CELF4: variants seen among roughly 807,000 people sequenced by gnomAD.
CELF4 encodes the protein CUGBP Elav-like family member 4.
Under a neutral mutation model 59.9 loss-of-function variants are expected in CELF4, and 18 were observed. The ratio of observed to expected loss-of-function variants is 0.30; its 90% CI spans 0.21 to 0.45. The LOEUF is 0.45. Among genes scored for constraint, CELF4 ranks in the 20% least tolerant of loss-of-function variants. The probability of loss-of-function intolerance (pLI) is 1.00; values close to 1 mark genes in which losing one functional copy is unlikely to be tolerated. For missense variants in CELF4, 456 were observed against 689.0 expected, an observed-to-expected ratio of 0.66 and a Z score of 3.79; for synonymous variants, 261 against 267.1, an observed-to-expected ratio of 0.98 and a Z score of 0.22.
intron 2 of CELF4, among the ~76,000 whole-genome samples, chr18:37,413,091 G>C (rs2154592428): frequency 6.6e-6 from 1 of 152,252 alleles, no homozygotes; most frequent in African/African-American, 2.4e-5. Context: ...AGCACATCTT[G>C]TTAGCCCTGG....
intron 2 of CELF4, among the ~76,000 whole-genome samples, chr18:37,405,823 C>G (rs1164132789): frequency 6.6e-6 from 1 of 152,116 alleles, no homozygotes; most frequent in Non-Finnish European, 1.5e-5. Context: ...CTGTCTGTCC[C>G]CTTCACACAT....
chr18:37,342,862 G>A lies in CELF4; in HGVS notation c.370-20981C>T, dbSNP rs141836112. Among the ~76,000 whole-genome samples, 22 of 152,334 alleles carry A rather than the reference G, an allele frequency of 1.4e-4. No homozygotes were observed. In the East Asian group the frequency reaches 2.3e-3, roughly 16 times the overall value. On this transcript the variant is annotated intron_variant, in intron 2 of 12. Transcript: ENST00000420428. ...GCAAGGAAGCCCCCTGGGTTGCAGC[G>A]TGAAGGATTCTGTGGGTGGTGTCCC...
At chr18:37,478,277 A>C (rs548038173) in intron 2 of CELF4, among the ~76,000 whole-genome samples, 81 of 152,336 alleles carry the variant, frequency 5.3e-4, no homozygotes, top group African/African-American at 1.9e-3. Context: ...TGCTCTGCCC[A>C]GACCACGTGG....
At chr18:37,561,209 T>C (rs1222084420) in intron 1 of CELF4, among the ~76,000 whole-genome samples, 1 of 152,150 alleles carries the variant, frequency 6.6e-6, no homozygotes, top group Non-Finnish European at 1.5e-5. Flanking sequence ...GTAAAGTAGA[T>C]TTTCCTCCAT....
chr18:37,367,199 A>G lies in CELF4; in HGVS notation c.370-45318T>C, dbSNP rs1489600815. Among the ~76,000 whole-genome samples the G allele has an allele frequency of 2.6e-5, 4 of 152,076 alleles. No individual in the cohort carries two copies. The South Asian group carries it at 8.3e-4, about 32-fold the overall frequency. ...GGCTCAGGTTGTGGTGGTGGTGGTG[A>G]TGGTGGTGGTGGCTACCTGGAGGAG... On this transcript the variant is annotated intron_variant, in intron 2 of 12. Coordinates refer to ENST00000420428, the MANE Select transcript of CELF4 (RefSeq NM_020180.4).
Position 37,406,296 on chromosome 18 carries a change from C to G in CELF4, c.369+79229G>C, listed in dbSNP as rs899676288. ...CTATCCTCGGAGCCCCACACATGCA[C>G]CCCAGTTCAGTTTGGTCAGTGGGAC... On this transcript the variant is annotated intron_variant, in intron 2 of 12. Transcript: ENST00000420428. Among the ~76,000 whole-genome samples, 11 of 152,114 alleles carry G rather than the reference C, an allele frequency of 7.2e-5. No individual in the cohort carries two copies. The South Asian group carries it at 2.3e-3, about 32-fold the overall frequency.
intron 10 of CELF4, among the ~76,000 whole-genome samples, chr18:37,261,515 C>CT (rs2074455832): frequency 6.6e-6 from 1 of 152,238 alleles, no homozygotes; most frequent in Non-Finnish European, 1.5e-5. Flanking sequence ...GCTCTAGTCC[C>CT]TTCCCCTGGA....
intron 3 of CELF4, among the ~76,000 whole-genome samples, chr18:37,300,130 C>T (rs1381763179): frequency 6.6e-6 from 1 of 152,214 alleles, no homozygotes; most frequent in Non-Finnish European, 1.5e-5. Flanking sequence ...GGCCTGGGGG[C>T]CCCATTCACA....
intron 2 of CELF4, among the ~76,000 whole-genome samples, chr18:37,450,641 C>T (rs983083242): frequency 6.6e-6 from 1 of 152,112 alleles, no homozygotes; most frequent in Non-Finnish European, 1.5e-5. Flanking sequence ...TGTTGCCCTC[C>T]CTATCTTCCC....
chr18:37,403,557 A>G (rs1001539936), intron 2 of CELF4, among the ~76,000 whole-genome samples: 1 of 151,684 alleles, frequency 6.6e-6, no homozygotes, highest in African/African-American at 2.4e-5. Flanking sequence ...GCATGTGGCG[A>G]GGGGGTGGTG....
intron 1 of CELF4, among the ~76,000 whole-genome samples, chr18:37,558,657 A>G (rs184231791): frequency 3.9e-5 from 6 of 152,066 alleles, no homozygotes; most frequent in Non-Finnish European, 8.8e-5. Flanking sequence ...AAAGGCCTGC[A>G]GGAAAAGAAG....
chr18:37,451,624 G>T (rs940835724), intron 2 of CELF4, among the ~76,000 whole-genome samples: 2 of 152,112 alleles, frequency 1.3e-5, no homozygotes, highest in Admixed American at 1.3e-4. Context: ...ATCCGAGCTG[G>T]GCCACACAGT....
chr18:37,332,483 T>A (rs1373415834), intron 2 of CELF4, among the ~76,000 whole-genome samples: 2 of 152,022 alleles, frequency 1.3e-5, no homozygotes, highest in Non-Finnish European at 2.9e-5. Flanking sequence ...TGCCTGCTCC[T>A]CCTTCTCTCT....
At chr18:37,338,429 C>T (rs1036362938) in intron 2 of CELF4, among the ~76,000 whole-genome samples, 1 of 144,218 alleles carries the variant, frequency 6.9e-6, no homozygotes, top group South Asian at 2.1e-4. Flanking sequence ...TTATCAGCAC[C>T]TCTGTCACTG....
At chr18:37,272,344 A>G (rs2091646871) in intron 7 of CELF4, among the ~76,000 whole-genome samples, 2 of 152,178 alleles carry the variant, frequency 1.3e-5, no homozygotes, top group South Asian at 4.1e-4. Flanking sequence ...AGTTGTGACA[A>G]TCAAAAATGT....
At chr18:37,269,174 C>T (rs1305070241) in intron 8 of CELF4, among the ~76,000 whole-genome samples, 1 of 152,120 alleles carries the variant, frequency 6.6e-6, no homozygotes, top group African/African-American at 2.4e-5. Flanking sequence ...CACAGCCCCA[C>T]CCTGCCACCC....
chr18:37,546,041 T>A (rs983569194), intron 1 of CELF4, among the ~76,000 whole-genome samples: 1 of 152,100 alleles, frequency 6.6e-6, no homozygotes, highest in African/African-American at 2.4e-5. Context: ...CCCCTACAAC[T>A]GGCCAGAGGC....
intron 1 of CELF4, among the ~76,000 whole-genome samples, chr18:37,515,437 T>C (rs566789756): frequency 6.6e-6 from 1 of 152,318 alleles, no homozygotes; most frequent in Non-Finnish European, 1.5e-5. Flanking sequence ...TTCTCCCTTC[T>C]ATCTTTGGCA....
rs1468296366 is a variant in CELF4, at chr18:37,259,030, G to A, written c.1333+151C>T. On this transcript the variant is annotated intron_variant, in intron 11 of 12. Transcript: ENST00000420428. ...GCAGCTGGGGCGGGGGCAATGTGAA[G>A]GAGCAGGTTAAAAGCAGTCGGACAC... 3.3e-6 allele frequency: 4 copies of A among 1,204,750 alleles called. No individual in the cohort carries two copies. The African/African-American group carries it at 4.5e-5, about 13-fold the overall frequency. The allele number at this position is 1,204,750 out of a possible 1,614,324, so 74.6% of individuals were successfully genotyped here. A position where few individuals can be genotyped will look rare whatever the true frequency, so the allele number is the denominator to read the frequency against.
Sources: gnomAD v4.1 joint callset for allele counts (sites outside exome capture counted in the v4.1 genomes callset) on GRCh38, gnomAD v4.1.1 for gene constraint, MANE v1.5 for transcripts, NCBI Gene and HGNC (gene_info 2026-07-23, HGNC 2026-07-21) for gene names.